ARNT2: variants seen among roughly 807,000 people sequenced by gnomAD.
ARNT2 encodes the protein ARNT protein 2.
In ARNT2, 36 loss-of-function variants were observed where a neutral mutation model predicts 91.7. That is an observed-to-expected ratio of 0.39 (90% CI 0.30 to 0.52). ARNT2 has a LOEUF of 0.52. ARNT2 is among the 20% of genes least tolerant of loss of function. The probability of loss-of-function intolerance (pLI) is 0.72; values close to 1 mark genes in which losing one functional copy is unlikely to be tolerated. For missense variants in ARNT2, 775 were observed against 939.3 expected (o/e 0.83, Z 2.29); for synonymous variants, 365 against 347.1 (o/e 1.05, Z -0.57).
At chr15:80,448,764 A>T (rs1254350702) in intron 1 of ARNT2, among the ~76,000 whole-genome samples, 1 of 152,170 alleles carries the variant, frequency 6.6e-6, no homozygotes, top group East Asian at 1.9e-4. Context: ...TGGGCAGATC[A>T]TGAGGTCAGG....
chr15:80,424,681 A>G (rs762743168), intron 1 of ARNT2, among the ~76,000 whole-genome samples: 2 of 151,462 alleles, frequency 1.3e-5, no homozygotes, highest in Non-Finnish European at 2.9e-5. Context: ...CTGCTTCACT[A>G]TTGCCTGGAA....
chr15:80,511,360 C>T (rs377387525), intron 6 of ARNT2, among the ~76,000 whole-genome samples: 27 of 152,190 alleles, frequency 1.8e-4, no homozygotes, highest in East Asian at 7.7e-4. Context: ...GAACAACACA[C>T]GCTGGGGACT....
intron 8 of ARNT2, among the ~76,000 whole-genome samples, chr15:80,519,776 C>T (rs1897505011): frequency 6.7e-6 from 1 of 149,632 alleles, no homozygotes; most frequent in Non-Finnish European, 1.5e-5. Context: ...AGCTCTGCCT[C>T]CTGGGTTCAC....
At chr15:80,577,086 CT>C in intron 15 of ARNT2, 121 bp downstream of exon 15, 1 of 956,488 alleles carries the variant, frequency 1.0e-6, no homozygotes. Context: ...GCGCTCAGGC[CT>C]TGGACTAAAC....
intron 11 of ARNT2, among the ~76,000 whole-genome samples, chr15:80,561,176 G>A (rs554565815): frequency 9.2e-5 from 14 of 152,322 alleles, no homozygotes; most frequent in African/African-American, 3.4e-4. Flanking sequence ...TAGACCACAA[G>A]TGTGGCGGGT....
At chr15:80,472,956 G>A (rs1317528656) in intron 4 of ARNT2, among the ~76,000 whole-genome samples, 9 of 152,146 alleles carry the variant, frequency 5.9e-5, no homozygotes, top group South Asian at 2.1e-4. Flanking sequence ...TGAAAGTGGC[G>A]TGAAGAGAGA....
intron 5 of ARNT2, among the ~76,000 whole-genome samples, chr15:80,500,301 G>T (rs921565297): frequency 6.6e-6 from 1 of 152,140 alleles, no homozygotes; most frequent in African/African-American, 2.4e-5. Context: ...ATTTCAGGGG[G>T]ACACATTTTT....
intron 12 of ARNT2, among the ~76,000 whole-genome samples, chr15:80,570,857 C>T (rs989143232): frequency 1.3e-5 from 2 of 152,132 alleles, no homozygotes; most frequent in Non-Finnish European, 2.9e-5. Flanking sequence ...AAAAGAGTTC[C>T]GTACAGTTCA....
At chr15:80,414,282 C>T (rs1277761201) in intron 1 of ARNT2, among the ~76,000 whole-genome samples, 1 of 152,174 alleles carries the variant, frequency 6.6e-6, no homozygotes, top group African/African-American at 2.4e-5. Flanking sequence ...GCCAAGGATG[C>T]TGCTAAACAT....
At chr15:80,410,205 T>C (rs1181009678) in intron 1 of ARNT2, among the ~76,000 whole-genome samples, 1 of 152,126 alleles carries the variant, frequency 6.6e-6, no homozygotes, top group African/African-American at 2.4e-5. Flanking sequence ...ATTTGAGTTA[T>C]ACTGGGGGCA....
intron 15 of ARNT2, among the ~76,000 whole-genome samples, chr15:80,577,582 G>A (rs1898700345): frequency 6.6e-6 from 1 of 152,188 alleles, no homozygotes; most frequent in Non-Finnish European, 1.5e-5. Flanking sequence ...TCTTGGGGAG[G>A]GTATGTGGGC....
intron 1 of ARNT2, among the ~76,000 whole-genome samples, chr15:80,407,185 C>T (rs189412645): frequency 6.6e-6 from 1 of 152,300 alleles, no homozygotes; most frequent in Non-Finnish European, 1.5e-5. Flanking sequence ...GCTGCTAGTT[C>T]GTGTCCAGGG....
chr15:80,468,794 G>GT (rs1284663573), intron 3 of ARNT2, among the ~76,000 whole-genome samples: 5 of 152,208 alleles, frequency 3.3e-5, no homozygotes, highest in Admixed American at 3.3e-4. Context: ...GGCATTCCTT[G>GT]TTTTCTCTAC....
At chr15:80,538,449 C>T (rs936423198) in intron 8 of ARNT2, among the ~76,000 whole-genome samples, 16 of 152,110 alleles carry the variant, frequency 1.1e-4, no homozygotes, top group African/African-American at 3.9e-4. Context: ...CAAAAAGTTA[C>T]ATTTTTAAAA....
chr15:80,574,344 G>A, intron 13 of ARNT2, 124 bp downstream of exon 13: 1 of 916,098 alleles, frequency 1.1e-6, no homozygotes, highest in Non-Finnish European at 1.7e-6. Context: ...CACTACAATG[G>A]AAAGAGCAGA....
intron 11 of ARNT2, 38 bp downstream of exon 11, chr15:80,555,177 G>C: frequency 6.2e-7 from 1 of 1,602,560 alleles, no homozygotes; most frequent in Non-Finnish European, 8.5e-7. Flanking sequence ...CTGATGCATA[G>C]TCTGGGCACC....
intron 4 of ARNT2, among the ~76,000 whole-genome samples, chr15:80,470,860 C>T (rs1389483109): frequency 3.9e-5 from 6 of 152,142 alleles, no homozygotes; most frequent in African/African-American, 1.4e-4. Flanking sequence ...ATGGCTATTA[C>T]TAAAAAGTCA....
At chr15:80,425,411 A>G (rs1895918974) in intron 1 of ARNT2, among the ~76,000 whole-genome samples, 1 of 152,244 alleles carries the variant, frequency 6.6e-6, no homozygotes, top group South Asian at 2.1e-4. Flanking sequence ...AATATCATAT[A>G]CTAAAATTCC....
At chr15:80,492,706 ATG>A (rs140085189) in intron 5 of ARNT2, among the ~76,000 whole-genome samples, 15 of 150,992 alleles carry the variant, frequency 9.9e-5, no homozygotes, top group African/African-American at 2.9e-4. Flanking sequence ...GTGAGTGTGT[ATG>A]TGTGTGTGTG....
Sources: allele counts gnomAD v4.1 joint callset (sites outside exome capture counted in the v4.1 genomes callset), GRCh38; gene constraint gnomAD v4.1.1; transcripts MANE v1.5; gene names NCBI Gene and HGNC (gene_info 2026-07-23, HGNC 2026-07-21).